Variants in LGR6 observed in about 807,000 individuals in gnomAD.
LGR6 encodes leucine rich repeat containing G protein-coupled receptor 6, also known as leucine-rich repeat-containing G protein-coupled receptor 6.
LGR6 carries 45 observed loss-of-function variants against 69.4 expected under a neutral mutation model. That is an observed-to-expected ratio of 0.65 (90% CI 0.51 to 0.83). The LOEUF (loss-of-function observed/expected upper bound fraction) is 0.83, where lower values mean the gene tolerates loss of function less well. Ranked by LOEUF, LGR6 falls within the 40% of genes least tolerant of loss-of-function variation. LGR6 has a pLI of 0.00. For missense variants in LGR6, 1,108 were observed against 1,246.7 expected (o/e 0.89, Z 1.68); for synonymous variants, 538 against 555.0 (o/e 0.97, Z 0.43).
At chr1:202,281,081 T>A in intron 6 of LGR6, 1 of 513,920 alleles carries the variant, frequency 1.9e-6, no homozygotes, top group Non-Finnish European at 3.4e-6. Flanking sequence ...GAGTTCAGAA[T>A]GGCCCAGGGA....
chr1:202,244,219 A>C (rs1662459254), intron 4 of LGR6, among the ~76,000 whole-genome samples: 1 of 152,154 alleles, frequency 6.6e-6, no homozygotes, highest in Non-Finnish European at 1.5e-5. Flanking sequence ...GGCCTCCCAA[A>C]GTGCTGGGAT....
At chr1:202,266,416 A>C (rs750133478) in intron 4 of LGR6, among the ~76,000 whole-genome samples, 13 of 152,176 alleles carry the variant, frequency 8.5e-5, no homozygotes, top group Non-Finnish European at 1.8e-4. Context: ...GTCTGAAGTC[A>C]TAGCGCCCTG....
chr1:202,297,227 G>C (rs1190183738), intron 6 of LGR6, among the ~76,000 whole-genome samples: 1 of 152,130 alleles, frequency 6.6e-6, no homozygotes, highest in Admixed American at 6.5e-5. Flanking sequence ...CAGTTGGCAG[G>C]GTCTATTCTG....
At chr1:202,205,961 AG>A (rs1484032511) in intron 1 of LGR6, among the ~76,000 whole-genome samples, 5 of 112,976 alleles carry the variant, frequency 4.4e-5, no homozygotes, top group Admixed American at 1.0e-4. Flanking sequence ...ACACACACAC[AG>A]ACACACAACA....
chr1:202,232,608 G>A (rs1040411056), intron 3 of LGR6, among the ~76,000 whole-genome samples: 3 of 152,132 alleles, frequency 2.0e-5, no homozygotes, highest in Non-Finnish European at 2.9e-5. Context: ...AGGATTGCTT[G>A]AACCCAGGAG....
intron 2 of LGR6, among the ~76,000 whole-genome samples, chr1:202,226,704 A>C (rs1400174426): frequency 6.6e-6 from 1 of 152,244 alleles, no homozygotes; most frequent in African/African-American, 2.4e-5. Context: ...GCTGAAGAGT[A>C]GTGTGGCCAG....
In LGR6 at chr1:202,318,476, G is replaced by A; in HGVS notation, c.2173G>A (p.Gly725Ser). 6.2e-7 allele frequency: 1 copy of A among 1,613,696 alleles called. No homozygotes were observed. Among genetic ancestry groups the A allele is most frequent in the Non-Finnish European group, 8.5e-7 (1 of 1,179,970 alleles). The change falls in exon 18 of 18, where the codon GGT becomes AGT. Residue 725 changes from glycine (G) to serine (S), a missense_variant. Coordinates refer to ENST00000367278, the MANE Select transcript of LGR6 (RefSeq NM_001017403.2). ...CTGCCTGCCCTACGCGCCACCTGAG[G>A]GTCAGCCAGCAGCCCTGGGCTTCAC... The part of the protein sequence containing the change: ...PLCLPYAPPE[G>S]QPAALGFTVA...
At chr1:202,197,321 C>G (rs1658680067) in intron 1 of LGR6, 1 of 502,084 alleles carries the variant, frequency 2.0e-6, no homozygotes, top group Admixed American at 2.2e-5. Flanking sequence ...ACACACATGT[C>G]CAAAAACTAT....
At chr1:202,213,457 G>A (rs546486101) in intron 1 of LGR6, among the ~76,000 whole-genome samples, 75 of 152,300 alleles carry the variant, frequency 4.9e-4, no homozygotes, top group African/African-American at 1.7e-3. Context: ...GAAGATCAAA[G>A]GATGAGAAGA....
rs1664804038 is a variant in LGR6, at chr1:202,268,010, A to G, written c.429-8296A>G. The stretch of plus-strand genomic sequence containing the variant: ...TCATGAGACCATAAAGGGCCTTCAC[A>G]GAATGCAGGCTGTGTTCTCCAGGAG... On this transcript the variant is annotated intron_variant, in intron 4 of 17. Coordinates refer to ENST00000367278, the MANE Select transcript of LGR6 (RefSeq NM_001017403.2). The surrounding 1 kb of genome is among the most constrained non-coding windows in gnomAD (Gnocchi z 4.4). Among the ~76,000 whole-genome samples, 1 of 152,226 alleles carries G rather than the reference A, an allele frequency of 6.6e-6. No individual in the cohort carries two copies. Among genetic ancestry groups the G allele is most frequent in the African/African-American group, 2.4e-5 (1 of 41,462 alleles).
At chr1:202,297,640 C>A in intron 7 of LGR6, 64 bp downstream of exon 7, 3 of 1,329,428 alleles carry the variant, frequency 2.3e-6, no homozygotes, top group South Asian at 2.5e-5. Flanking sequence ...TGAAGCCAGC[C>A]TGAGCTGCCT....
At chr1:202,274,933 T>G (rs772367575) in intron 4 of LGR6, among the ~76,000 whole-genome samples, 3 of 152,156 alleles carry the variant, frequency 2.0e-5, no homozygotes, top group Admixed American at 6.5e-5. Flanking sequence ...AAGACTTCAG[T>G]GTTGGCCTAT....
In LGR6 at chr1:202,310,235, A is replaced by G. The variant is rs755009316; in HGVS notation, c.1445A>G (p.Tyr482Cys). Residue 482 changes from tyrosine to cysteine, a missense_variant, in exon 16 of 18, where the codon TAT (tyrosine) becomes TGT (cysteine). Transcript: ENST00000367278. Reference sequence around the variant, plus strand: ...CCTTATGCCTACCAGTGCTGTCCCTATGGGATGTGTGCCAGCTTCTTCAAG... The same window carrying G: ...CCTTATGCCTACCAGTGCTGTCCCTGTGGGATGTGTGCCAGCTTCTTCAAG... ...EVPYAYQCCP[Y>C]GMCASFFKAS... 5 of 1,613,874 alleles carry G rather than the reference A, an allele frequency of 3.1e-6. No individual in the cohort carries two copies. The Admixed American group carries it at 5.0e-5, about 16-fold the overall frequency.
chr1:202,296,665 TAA>T (rs1028710274), intron 6 of LGR6, among the ~76,000 whole-genome samples: 28 of 152,318 alleles, frequency 1.8e-4, no homozygotes, highest in African/African-American at 6.5e-4. Flanking sequence ...GAAGTTTCCT[TAA>T]AAGAGTTGAT....
At chr1:202,212,560 A>G (rs974284968) in intron 1 of LGR6, among the ~76,000 whole-genome samples, 1 of 152,188 alleles carries the variant, frequency 6.6e-6, no homozygotes, top group African/African-American at 2.4e-5. Context: ...TGCCTCTTCC[A>G]GCTTCTCGTG....
intron 1 of LGR6, chr1:202,194,708 G>GGT (rs1658571424): frequency 3.6e-6 from 1 of 277,038 alleles, no homozygotes; most frequent in Admixed American, 6.3e-5. Context: ...GTGGGGGCGG[G>GGT]GGGGGCGGGT....
intron 4 of LGR6, among the ~76,000 whole-genome samples, chr1:202,258,811 C>T (rs923441622): frequency 1.3e-5 from 2 of 151,784 alleles, no homozygotes; most frequent in African/African-American, 4.8e-5. Context: ...CTGTCTTATG[C>T]GTTAGAGCTT....
chr1:202,194,025 T>C lies in LGR6; in HGVS notation c.36T>C (p.Leu12=). The C allele has an allele frequency of 7.2e-7, 1 of 1,393,186 alleles. No individual in the cohort carries two copies. The highest frequency in any genetic ancestry group is 1.6e-5 in the South Asian group (1 of 64,104). 86.3% of individuals were successfully genotyped at this position (1,393,186 alleles called of 1,614,324 possible). A position where few individuals can be genotyped will look rare whatever the true frequency, so the allele number is the denominator to read the frequency against. The change falls in exon 1 of 18, where the codon CTT becomes CTC. Residue 12 remains leucine (L), a synonymous_variant. Coordinates refer to ENST00000367278, the MANE Select transcript of LGR6 (RefSeq NM_001017403.2). The part of the protein sequence containing the change: ...PSPPGLRALW[L]CAALCASRRA... ...CGCCGGGGCTCCGGGCGCTATGGCT[T>C]TGCGCCGCGCTGTGCGCTTCCCGGA... is the stretch of plus-strand genomic sequence containing the variant.
intron 2 of LGR6, among the ~76,000 whole-genome samples, chr1:202,225,722 A>G (rs1282764054): frequency 1.3e-5 from 2 of 151,958 alleles, no homozygotes; most frequent in African/African-American, 4.8e-5. Context: ...CCTCTTTGAA[A>G]CCAGCTCCTC....
Sources: gnomAD v4.1 joint callset for allele counts (sites outside exome capture counted in the v4.1 genomes callset) on GRCh38, gnomAD v4.1.1 for gene constraint, Gnocchi (gnomAD v3.1) non-coding constraint, MANE v1.5 for transcripts, NCBI Gene and HGNC (gene_info 2026-07-23, HGNC 2026-07-21) for gene names.